KLHL1: variants seen among roughly 807,000 people sequenced by gnomAD.
KLHL1 encodes the protein kelch like family member 1.
Under a neutral mutation model 77.7 loss-of-function variants are expected in KLHL1, and 47 were observed. The ratio of observed to expected loss-of-function variants is 0.60; its 90% CI spans 0.48 to 0.77. The LOEUF is 0.77. Among genes scored for constraint, KLHL1 ranks in the 30% least tolerant of loss-of-function variants. KLHL1 has a pLI of 0.00. For missense variants in KLHL1, 925 were observed against 910.8 expected, an observed-to-expected ratio of 1.02 and a Z score of -0.20; for synonymous variants, 360 against 325.2, an observed-to-expected ratio of 1.11 and a Z score of -1.15.
intron 5 of KLHL1, among the ~76,000 whole-genome samples, chr13:69,875,028 A>G (rs541536107): frequency 1.2e-4 from 18 of 152,222 alleles, no homozygotes; most frequent in African/African-American, 4.3e-4. Flanking sequence ...TATTTTCTCC[A>G]CCAAAAATAT....
At chr13:69,849,264 T>C (rs922209488) in intron 5 of KLHL1, among the ~76,000 whole-genome samples, 1 of 151,620 alleles carries the variant, frequency 6.6e-6, no homozygotes, top group Non-Finnish European at 1.5e-5. Context: ...TTAGGCTATA[T>C]TTAAGAGTAT....
chr13:70,102,370 T>C (rs1012397489), intron 1 of KLHL1, among the ~76,000 whole-genome samples: 1 of 152,164 alleles, frequency 6.6e-6, no homozygotes, highest in Non-Finnish European at 1.5e-5. Context: ...ATACACTGAA[T>C]GAACTATAAT....
chr13:70,040,285 A>C (rs1886343265), intron 1 of KLHL1, among the ~76,000 whole-genome samples: 1 of 152,110 alleles, frequency 6.6e-6, no homozygotes, highest in South Asian at 2.1e-4. Context: ...AATAATAAAC[A>C]CTGGGGATGC....
chr13:69,917,965 T>C (rs1225442543), intron 4 of KLHL1, among the ~76,000 whole-genome samples: 1 of 152,160 alleles, frequency 6.6e-6, no homozygotes, highest in Non-Finnish European at 1.5e-5. Flanking sequence ...TTCATACATG[T>C]ACTCCACAGC....
chr13:70,071,827 A>ATATGTT (rs1887144411), intron 1 of KLHL1, among the ~76,000 whole-genome samples: 1 of 152,130 alleles, frequency 6.6e-6, no homozygotes, highest in Admixed American at 6.5e-5. Flanking sequence ...AGCATGGAAT[A>ATATGTT]CAGTACATAC....
chr13:69,820,098 G>T (rs190592746), intron 6 of KLHL1, among the ~76,000 whole-genome samples: 1 of 152,218 alleles, frequency 6.6e-6, no homozygotes, highest in East Asian at 1.9e-4. Context: ...CTATTAAGTA[G>T]GATCTTGCAG....
At chr13:70,029,168 A>G (rs1227602895) in intron 1 of KLHL1, among the ~76,000 whole-genome samples, 1 of 152,098 alleles carries the variant, frequency 6.6e-6, no homozygotes, top group Non-Finnish European at 1.5e-5. Flanking sequence ...TGCACATCCA[A>G]AACAAAGTGG....
chr13:69,712,419 A>C (rs190736444), intron 9 of KLHL1, among the ~76,000 whole-genome samples: 9 of 152,216 alleles, frequency 5.9e-5, no homozygotes, highest in Non-Finnish European at 1.3e-4. Flanking sequence ...CAAATCACCC[A>C]GCCACATTTG....
At chr13:70,019,677 CAA>C (rs1885741889) in intron 1 of KLHL1, among the ~76,000 whole-genome samples, 1 of 152,018 alleles carries the variant, frequency 6.6e-6, no homozygotes, top group Non-Finnish European at 1.5e-5. Flanking sequence ...ATAATTTGCC[CAA>C]AGTTACACAG....
At chr13:69,729,255 A>T (rs988322559) in intron 8 of KLHL1, among the ~76,000 whole-genome samples, 2 of 152,128 alleles carry the variant, frequency 1.3e-5, no homozygotes, top group Non-Finnish European at 2.9e-5. Flanking sequence ...CTGTCTTACT[A>T]GAAGCCTCAC....
chr13:69,895,732 T>C (rs1309413565), intron 4 of KLHL1, among the ~76,000 whole-genome samples: 1 of 145,362 alleles, frequency 6.9e-6, no homozygotes, highest in Non-Finnish European at 1.5e-5. Context: ...TTTTTCAAGG[T>C]CTTGCTCTGT....
intron 1 of KLHL1, among the ~76,000 whole-genome samples, chr13:69,997,462 A>T (rs1004377791): frequency 6.6e-6 from 1 of 150,384 alleles, no homozygotes; most frequent in African/African-American, 2.4e-5. Flanking sequence ...GCTACTCCCC[A>T]TTTTCTCTCC....
At chr13:69,846,889 A>G (rs1879485091) in intron 5 of KLHL1, among the ~76,000 whole-genome samples, 1 of 151,424 alleles carries the variant, frequency 6.6e-6, no homozygotes, top group Middle Eastern at 3.2e-3. Context: ...GGTATTTCAA[A>G]TAATCTTCTG....
intron 1 of KLHL1, among the ~76,000 whole-genome samples, chr13:70,084,540 G>C: frequency 7.8e-6 from 1 of 127,814 alleles, no homozygotes; most frequent in Non-Finnish European, 1.6e-5. Flanking sequence ...CTCACTGCAA[G>C]CTCCACCTTC....
chr13:70,047,341 G>T (rs1287025436), intron 1 of KLHL1, among the ~76,000 whole-genome samples: 1 of 150,750 alleles, frequency 6.6e-6, no homozygotes, highest in Non-Finnish European at 1.5e-5. Context: ...GTAGAGAAAT[G>T]AGTGTTTTGT....
chr13:69,809,627 G>T (rs190601128), intron 6 of KLHL1, among the ~76,000 whole-genome samples: 8 of 152,126 alleles, frequency 5.3e-5, no homozygotes, highest in Non-Finnish European at 1.0e-4. Flanking sequence ...ACCCTATAAA[G>T]CAACTACACA....
At chr13:69,842,811 T>C (rs367906859) in intron 5 of KLHL1, among the ~76,000 whole-genome samples, 13 of 151,828 alleles carry the variant, frequency 8.6e-5, no homozygotes, top group East Asian at 7.8e-4. Flanking sequence ...GGTTAATGAA[T>C]AAAGAAAATG....
intron 1 of KLHL1, among the ~76,000 whole-genome samples, chr13:70,030,809 G>A (rs935513395): frequency 4.6e-5 from 7 of 152,132 alleles, no homozygotes; most frequent in African/African-American, 1.4e-4. Context: ...CCAGGAGCTG[G>A]TTATTTGAAA....
chr13:69,724,032 T>G (rs1426493717), intron 8 of KLHL1, among the ~76,000 whole-genome samples: 2 of 151,988 alleles, frequency 1.3e-5, no homozygotes, highest in Non-Finnish European at 2.9e-5. Context: ...AAAACAGGGT[T>G]TCACCATATT....
Sources: gnomAD v4.1 joint callset for allele counts (sites outside exome capture counted in the v4.1 genomes callset) on GRCh38, gnomAD v4.1.1 for gene constraint, MANE v1.5 for transcripts, NCBI Gene and HGNC (gene_info 2026-07-23, HGNC 2026-07-21) for gene names.